Variants in RAPGEF5 observed in about 807,000 individuals in gnomAD.
The protein encoded by RAPGEF5 is M-Ras-regulated GEF.
A neutral mutation model predicts 125.2 loss-of-function variants in RAPGEF5; 65 were observed. The ratio of observed to expected loss-of-function variants is 0.52; its 90% confidence interval spans 0.43 to 0.64. RAPGEF5 has a LOEUF of 0.64. Ranked by LOEUF, RAPGEF5 falls within the 30% of genes least tolerant of loss-of-function variation. The pLI, the probability that RAPGEF5 is intolerant of heterozygous loss-of-function variation, is 0.00. For synonymous variants in RAPGEF5, 391 were observed against 385.9 expected (o/e 1.01, Z -0.16); for missense variants, 958 against 1,048.1 (o/e 0.91, Z 1.19).
In RAPGEF5 at chr7:22,289,520, C is replaced by T. The variant is rs148499519; in HGVS notation, c.747+1655G>A. On this transcript the variant is annotated intron_variant, in intron 6 of 25. Transcript: ENST00000665637. ...TGTGTGTGTACACACAAACACACAA[C>T]GTTTAACACAGTTTCTGGCCCATAG... Among the ~76,000 whole-genome samples, 48 of 152,334 alleles carry T rather than the reference C, an allele frequency of 3.2e-4. No individual in the cohort carries two copies. In the East Asian group the frequency reaches 7.9e-3, roughly 25 times the overall value.
intron 6 of RAPGEF5, among the ~76,000 whole-genome samples, chr7:22,271,973 G>T (rs1229439330): frequency 6.6e-6 from 1 of 152,150 alleles, no homozygotes; most frequent in Non-Finnish European, 1.5e-5. Flanking sequence ...CATGGGAGAG[G>T]TTAACTGAGA....
At chr7:22,336,808 C>T (rs1198906152) in intron 1 of RAPGEF5, among the ~76,000 whole-genome samples, 2 of 152,218 alleles carry the variant, frequency 1.3e-5, no homozygotes, top group East Asian at 1.9e-4. Context: ...AAACCCTGCC[C>T]TCCTCACCTT....
intron 7 of RAPGEF5, among the ~76,000 whole-genome samples, chr7:22,243,280 A>G (rs13239365): frequency 0.32 from 48,987 of 152,032 alleles, 8,523 homozygotes; most frequent in African/African-American, 0.45. Flanking sequence ...TTCTTGAGAC[A>G]GAGTCTGACT....
Position 22,122,250 on chromosome 7 carries a change from C to T in RAPGEF5, c.*156G>A. 3.3e-6 allele frequency: 2 copies of T among 608,894 alleles called. No homozygotes were observed. The highest frequency in any genetic ancestry group is 5.7e-6 in the Non-Finnish European group (2 of 347,866). The allele number at this position is 608,894 out of a possible 1,614,324, so 37.7% of individuals were successfully genotyped here. On this transcript the variant is annotated 3_prime_UTR_variant, in exon 26 of 26. Transcript: ENST00000665637. ...TCCCCCTCTCTGGTGGCTGACATCA[C>T]TTCCTGAACACGCTTTGGCTGGCTT... is the stretch of plus-strand genomic sequence containing the variant.
At chr7:22,297,168 C>T (rs1438227898) in intron 5 of RAPGEF5, among the ~76,000 whole-genome samples, 4 of 152,196 alleles carry the variant, frequency 2.6e-5, no homozygotes, top group African/African-American at 9.6e-5. Context: ...CTGAAAAGAA[C>T]AATCCAGTAG....
intron 12 of RAPGEF5, chr7:22,163,083 T>A (rs1484662674): frequency 2.6e-6 from 1 of 389,018 alleles, no homozygotes; most frequent in Non-Finnish European, 5.1e-6. Flanking sequence ...TGGATACATG[T>A]GTGAACACAG....
At position 22,150,371 on chromosome 7, in the gene RAPGEF5, C is replaced by G; in HGVS notation, c.1884+36G>C. 4.4e-6 allele frequency: 7 copies of G among 1,588,824 alleles called. No individual in the cohort carries two copies. The South Asian group carries it at 8.2e-5, about 19-fold the overall frequency. On this transcript the variant is annotated intron_variant, in intron 18 of 25. Coordinates refer to ENST00000665637, the MANE Select transcript of RAPGEF5 (RefSeq NM_012294.5). ...TACAGGTATGAGCCACCTCGCCTGG[C>G]CTGTTTGTTTCAAATACAAGGCTGA...
At chr7:22,237,489 A>T (rs926860682) in intron 7 of RAPGEF5, among the ~76,000 whole-genome samples, 1 of 150,212 alleles carries the variant, frequency 6.7e-6, no homozygotes, top group Admixed American at 6.6e-5. Flanking sequence ...AAAAAAAAAA[A>T]TCAAAAGAAT....
At chr7:22,195,632 A>G (rs986333915) in intron 9 of RAPGEF5, among the ~76,000 whole-genome samples, 13 of 152,194 alleles carry the variant, frequency 8.5e-5, no homozygotes, top group Non-Finnish European at 4.4e-5. Context: ...TGTAATTGCT[A>G]TCTTTCATTT....
chr7:22,193,021 C>G (rs535155834), intron 11 of RAPGEF5: 157 of 323,996 alleles, frequency 4.8e-4, no homozygotes, highest in Non-Finnish European at 7.0e-4. Flanking sequence ...CGCCTGCTAA[C>G]CCTCCTCCTC....
At chr7:22,222,736 T>C (rs1320617434) in intron 8 of RAPGEF5, among the ~76,000 whole-genome samples, 3 of 152,128 alleles carry the variant, frequency 2.0e-5, no homozygotes, top group East Asian at 1.9e-4. Context: ...CAAAATATGA[T>C]TGACATTTTA....
At chr7:22,161,537 A>C (rs997873909) in intron 13 of RAPGEF5, among the ~76,000 whole-genome samples, 2 of 136,046 alleles carry the variant, frequency 1.5e-5, no homozygotes, top group Non-Finnish European at 3.2e-5. Context: ...ACCCTGTCTC[A>C]ACACACACAC....
At chr7:22,291,138 T>A in intron 6 of RAPGEF5, 37 bp downstream of exon 6, 1 of 1,537,914 alleles carries the variant, frequency 6.5e-7, no homozygotes, top group South Asian at 1.3e-5. Context: ...GCTTCATTAT[T>A]TCTGCACCCC....
chr7:22,235,229 G>C (rs1361384965), intron 7 of RAPGEF5, among the ~76,000 whole-genome samples: 2 of 152,216 alleles, frequency 1.3e-5, no homozygotes, highest in Non-Finnish European at 2.9e-5. Flanking sequence ...TTTTTACAGA[G>C]AGAAAACTCT....
At chr7:22,341,858 G>A (rs1435699187) in intron 1 of RAPGEF5, among the ~76,000 whole-genome samples, 3 of 152,228 alleles carry the variant, frequency 2.0e-5, no homozygotes, top group South Asian at 2.1e-4. Flanking sequence ...ACAGGCTGGT[G>A]TTGAATGTCT....
chr7:22,322,157 A>T, intron 1 of RAPGEF5, among the ~76,000 whole-genome samples: 1 of 148,718 alleles, frequency 6.7e-6, no homozygotes, highest in Admixed American at 6.7e-5. Context: ...TTTTTTTGAG[A>T]CAGGTTCTCA....
chr7:22,196,321 G>C (rs1017977950), intron 9 of RAPGEF5, among the ~76,000 whole-genome samples: 4 of 152,222 alleles, frequency 2.6e-5, no homozygotes, highest in Admixed American at 2.6e-4. Context: ...AAGTACCATA[G>C]TTGAGGTTCT....
chr7:22,283,176 A>C (rs1419300762), intron 6 of RAPGEF5, among the ~76,000 whole-genome samples: 2 of 152,166 alleles, frequency 1.3e-5, no homozygotes, highest in African/African-American at 4.8e-5. Flanking sequence ...TTTATATTCA[A>C]GTTAAATAAT....
chr7:22,334,748 A>T lies in RAPGEF5; in HGVS notation c.232-16711T>A, dbSNP rs535698214. Among the ~76,000 whole-genome samples, 16 of 152,350 alleles carry T rather than the reference A, an allele frequency of 1.1e-4. No individual in the cohort carries two copies. In the South Asian group the frequency reaches 3.1e-3, roughly 30 times the overall value. On this transcript the variant is annotated intron_variant, in intron 1 of 25. Coordinates refer to ENST00000665637, the MANE Select transcript of RAPGEF5 (RefSeq NM_012294.5). ...ATTATTCATAACTATCTTTGGAAAC[A>T]CAGAGAGGTTAAGTCACTTGCCCAC...
Sources: allele counts gnomAD v4.1 joint callset (sites outside exome capture counted in the v4.1 genomes callset), GRCh38; gene constraint gnomAD v4.1.1; transcripts MANE v1.5; gene names NCBI Gene and HGNC (gene_info 2026-07-23, HGNC 2026-07-21).